CABCOCO1: variants seen among roughly 807,000 people sequenced by gnomAD.
CABCOCO1 encodes the protein ciliary associated calcium binding coiled-coil 1.
A neutral mutation model predicts 35.7 loss-of-function variants in CABCOCO1; 28 were observed. That is an observed-to-expected ratio of 0.78 (90% confidence interval 0.58 to 1.07). The LOEUF is 1.07. Ranked by LOEUF, CABCOCO1 falls within the 50% of genes least tolerant of loss-of-function variation. The pLI, the probability that CABCOCO1 is intolerant of heterozygous loss-of-function variation, is 0.00. For missense variants in CABCOCO1, 326 were observed against 309.2 expected, an observed-to-expected ratio of 1.05 and a Z score of -0.41; for synonymous variants, 95 against 100.1, an observed-to-expected ratio of 0.95 and a Z score of 0.30.
intron 5 of CABCOCO1, among the ~76,000 whole-genome samples, chr10:61,713,296 G>A (rs1417748795): frequency 1.3e-5 from 2 of 152,120 alleles, no homozygotes; most frequent in Non-Finnish European, 2.9e-5. Context: ...CTCATGATTT[G>A]GCTCTCTGTT....
intron 6 of CABCOCO1, among the ~76,000 whole-genome samples, chr10:61,760,598 T>C (rs575554989): frequency 6.6e-6 from 1 of 151,918 alleles, no homozygotes; most frequent in South Asian, 2.1e-4. Context: ...ATCTGGGCCA[T>C]TTGGAGGGTG....
At chr10:61,665,265 C>A (rs1336592831) in intron 1 of CABCOCO1, among the ~76,000 whole-genome samples, 1 of 152,170 alleles carries the variant, frequency 6.6e-6, no homozygotes, top group Non-Finnish European at 1.5e-5. Flanking sequence ...CTATGAGTTA[C>A]TGTGAACAAG....
chr10:61,719,018 A>T (rs1011285618), intron 5 of CABCOCO1, among the ~76,000 whole-genome samples: 2 of 152,206 alleles, frequency 1.3e-5, no homozygotes, highest in African/African-American at 2.4e-5. Context: ...ACACCTTGTT[A>T]ATTTTACAGA....
At chr10:61,737,868 C>G (rs1344920807) in intron 5 of CABCOCO1, among the ~76,000 whole-genome samples, 1 of 151,874 alleles carries the variant, frequency 6.6e-6, no homozygotes, top group Non-Finnish European at 1.5e-5. Context: ...GAGTTAAGTA[C>G]CTGGGTGATG....
At chr10:61,712,010 G>T (rs1002707634) in intron 5 of CABCOCO1, among the ~76,000 whole-genome samples, 2 of 152,122 alleles carry the variant, frequency 1.3e-5, no homozygotes, top group Non-Finnish European at 2.9e-5. Context: ...TAATGGGATT[G>T]CTGGGTCAAA....
intron 4 of CABCOCO1, 47 bp downstream of exon 4, chr10:61,686,232 G>A (rs747037015): frequency 2.8e-6 from 4 of 1,435,216 alleles, no homozygotes; most frequent in Non-Finnish European, 3.7e-6. Flanking sequence ...CACATCTTCT[G>A]GAAAATGTCT....
chr10:61,705,039 T>G (rs1840561317), intron 5 of CABCOCO1, among the ~76,000 whole-genome samples: 1 of 152,240 alleles, frequency 6.6e-6, no homozygotes, highest in Non-Finnish European at 1.5e-5. Flanking sequence ...TTTTGACTTG[T>G]GCAAACAAAA....
intron 5 of CABCOCO1, among the ~76,000 whole-genome samples, chr10:61,758,124 TTC>T (rs1427027374): frequency 1.3e-5 from 2 of 151,952 alleles, no homozygotes; most frequent in Non-Finnish European, 2.9e-5. Flanking sequence ...TTCAATTCCT[TTC>T]TCTCTTCTTT....
intron 3 of CABCOCO1, among the ~76,000 whole-genome samples, chr10:61,681,859 T>C (rs1444467296): frequency 6.6e-6 from 1 of 152,042 alleles, no homozygotes; most frequent in Non-Finnish European, 1.5e-5. Context: ...TGCTGGAAGA[T>C]ACAGAAAAAA....
At position 61,690,570 on chromosome 10, in the gene CABCOCO1, A is replaced by G. The variant is rs762368520; in HGVS notation, c.501A>G (p.Leu167=). The change falls in exon 5 of 8, where the codon CTA becomes CTG. Residue 167 remains leucine (L), a synonymous_variant. Transcript: ENST00000648843. ...TCAGCTTATTTCAACACTACAAGCT[A>G]TACGAGTTTATGTTCTACTCTGCCA... ...LKISLFQHYK[L]YEFMFYSARE... is the part of the protein sequence containing the mutation. 6.2e-7 allele frequency: 1 copy of G among 1,606,722 alleles called. No individual in the cohort carries two copies. Among genetic ancestry groups the G allele is most frequent in the East Asian group, 2.2e-5 (1 of 44,650 alleles).
chr10:61,753,353 T>C (rs906896680), intron 5 of CABCOCO1, among the ~76,000 whole-genome samples: 5 of 152,102 alleles, frequency 3.3e-5, no homozygotes, highest in African/African-American at 1.2e-4. Flanking sequence ...AAAAAATATT[T>C]TGAAAAGCAT....
At chr10:61,730,001 C>T (rs1156368314) in intron 5 of CABCOCO1, among the ~76,000 whole-genome samples, 9 of 151,912 alleles carry the variant, frequency 5.9e-5, no homozygotes, top group East Asian at 1.9e-4. Context: ...AGATCTCCTG[C>T]GCAACATTGT....
intron 5 of CABCOCO1, among the ~76,000 whole-genome samples, chr10:61,759,685 C>T (rs1841966630): frequency 6.6e-6 from 1 of 151,970 alleles, no homozygotes; most frequent in Non-Finnish European, 1.5e-5. Flanking sequence ...GTATTAAACA[C>T]CTAATCCTCT....
chr10:61,708,468 A>C (rs1004990736), intron 5 of CABCOCO1, among the ~76,000 whole-genome samples: 1 of 152,108 alleles, frequency 6.6e-6, no homozygotes, highest in African/African-American at 2.4e-5. Flanking sequence ...ATAAGCAACA[A>C]GAATTTATTT....
At chr10:61,722,879 T>C (rs1473794157) in intron 5 of CABCOCO1, among the ~76,000 whole-genome samples, 2 of 152,136 alleles carry the variant, frequency 1.3e-5, no homozygotes, top group East Asian at 1.9e-4. Flanking sequence ...CCAATACCTA[T>C]GGAAGAAAAA....
At chr10:61,698,343 T>C (rs763465295) in intron 5 of CABCOCO1, among the ~76,000 whole-genome samples, 4 of 152,152 alleles carry the variant, frequency 2.6e-5, no homozygotes, top group Non-Finnish European at 5.9e-5. Flanking sequence ...GGGGCACCAT[T>C]CACATTGCAG....
intron 7 of CABCOCO1, among the ~76,000 whole-genome samples, chr10:61,762,136 T>G (rs1472640712): frequency 6.6e-6 from 1 of 152,114 alleles, no homozygotes; most frequent in Admixed American, 6.6e-5. Context: ...ATATAGTTTA[T>G]GTATAATCAT....
At chr10:61,672,035 T>C (rs964373840) in intron 1 of CABCOCO1, among the ~76,000 whole-genome samples, 4 of 152,212 alleles carry the variant, frequency 2.6e-5, no homozygotes, top group Non-Finnish European at 5.9e-5. Flanking sequence ...CTAGGTAACA[T>C]TGTGAACTGC....
At chr10:61,709,215 G>A (rs1273068901) in intron 5 of CABCOCO1, among the ~76,000 whole-genome samples, 16 of 152,086 alleles carry the variant, frequency 1.1e-4, no homozygotes, top group Non-Finnish European at 2.1e-4. Context: ...AGAAGAAACA[G>A]TTTGGACAGG....
Sources: allele counts gnomAD v4.1 joint callset (sites outside exome capture counted in the v4.1 genomes callset), GRCh38; gene constraint gnomAD v4.1.1; transcripts MANE v1.5; gene names NCBI Gene and HGNC (gene_info 2026-07-23, HGNC 2026-07-21).